The following LRRFIP1 variants were observed in gnomAD, a reference collection of about 807,000 sequenced individuals.
LRRFIP1 encodes LRR binding FLII interacting protein 1.
LRRFIP1 carries 62 observed loss-of-function variants against 104.4 expected under a neutral mutation model. The observed-to-expected ratio is 0.59, with a 90% confidence interval of 0.48 to 0.73. The LOEUF (loss-of-function observed/expected upper bound fraction) is 0.73. LRRFIP1 is among the 30% of genes least tolerant of loss of function. The pLI is 0.00. For missense variants in LRRFIP1, 796 were observed against 824.5 expected, an observed-to-expected ratio of 0.97 and a Z score of 0.42; for synonymous variants, 300 against 299.0, an observed-to-expected ratio of 1.00 and a Z score of -0.03.
intron 18 of LRRFIP1, among the ~76,000 whole-genome samples, chr2:237,759,307 G>A (rs1045571559): frequency 2.6e-5 from 4 of 152,130 alleles, no homozygotes; most frequent in Non-Finnish European, 5.9e-5. Context: ...GTCTTCAGCC[G>A]CTGCTTGACA....
Position 237,772,144 on chromosome 2 carries a change from T to C in LRRFIP1, c.1573T>C (p.Ser525Pro), listed in dbSNP as rs2060698343. 6.2e-7 allele frequency: 1 copy of C among 1,613,958 alleles called. No individual in the cohort carries two copies. The highest frequency in any genetic ancestry group is 8.5e-7 in the Non-Finnish European group (1 of 1,179,870). The change falls in exon 21 of 24, where the codon TCT (serine) becomes CCT (proline). Residue 525 changes from serine to proline, a missense_variant. By Grantham distance (74) the Ser-to-Pro change is moderately conservative (BLOSUM62 -1). Transcript: ENST00000308482. ...GATTGGCAAACTAGACAATCTTCGA[T>C]CTGAAGATGATGTCTTGGAAAACGG... Reference protein sequence around the residue: ...QKIGKLDNLRSEDDVLENGTD... With the variant: ...QKIGKLDNLRPEDDVLENGTD...
intron 1 of LRRFIP1, among the ~76,000 whole-genome samples, chr2:237,688,849 T>G (rs544899677): frequency 5.3e-5 from 8 of 151,890 alleles, no homozygotes; most frequent in Non-Finnish European, 1.0e-4. Context: ...CTTCGAGGTG[T>G]ATGATTTAAC....
At chr2:237,666,915 G>GCTTT (rs144037636) in intron 1 of LRRFIP1, among the ~76,000 whole-genome samples, 1,654 of 144,904 alleles carry the variant, frequency 0.011, 30 homozygotes, top group African/African-American at 0.034. Flanking sequence ...CTGCCTTCCT[G>GCTTT]CTTTCTTTCT....
intron 13 of LRRFIP1, among the ~76,000 whole-genome samples, 197 bp downstream of exon 13, chr2:237,749,521 T>C (rs2058314086): frequency 6.6e-6 from 1 of 152,188 alleles, no homozygotes. Flanking sequence ...AATCTGATCC[T>C]ACCCACTGAC....
intron 10 of LRRFIP1, among the ~76,000 whole-genome samples, chr2:237,738,331 C>T (rs550649210): frequency 1.1e-4 from 16 of 152,158 alleles, no homozygotes; most frequent in Admixed American, 3.3e-4. Context: ...CAGGGCACTT[C>T]GGCAGGTCCC....
At chr2:237,647,835 G>A (rs77197335) in intron 1 of LRRFIP1, among the ~76,000 whole-genome samples, 5,166 of 151,946 alleles carry the variant, frequency 0.034, 188 homozygotes, top group Non-Finnish European at 0.053. Flanking sequence ...CCCTGTGGCC[G>A]GCCACTCACT....
intron 8 of LRRFIP1, 133 bp from the exon 9 acceptor site, chr2:237,733,641 G>A (rs535291724): frequency 4.0e-5 from 31 of 765,854 alleles, no homozygotes; most frequent in African/African-American, 1.4e-4. Context: ...TGCCTCGATC[G>A]GTTTGTTTCT....
chr2:237,752,267 G>T (rs534245862), intron 14 of LRRFIP1, among the ~76,000 whole-genome samples: 1 of 152,198 alleles, frequency 6.6e-6, no homozygotes, highest in Non-Finnish European at 1.5e-5. Context: ...TTAGCCAGGT[G>T]TGGTGGTGCG....
chr2:237,692,150 G>GGGGGC lies in LRRFIP1; in HGVS notation c.97-16385_97-16381dup, dbSNP rs1483751551. 7.9e-5 allele frequency: 79 copies of GGGGGC among 998,042 alleles called. No homozygotes were observed. The South Asian group carries it at 1.2e-3, about 15-fold the overall frequency. 61.8% of individuals were successfully genotyped at this position (998,042 alleles called of 1,614,324 possible). A position where few individuals can be genotyped will look rare whatever the true frequency, so the allele number is the denominator to read the frequency against. Reference sequence around the variant, plus strand: ...GGCCCCTCCGAGGCGGAACTGCGTGGGGGGCGGGGCGGGCCGTGGGACGGG... The same window carrying GGGGGC: ...GGCCCCTCCGAGGCGGAACTGCGTGGGGGGCGGGGCGGGGCGGGCCGTGGGACGGG... On this transcript the variant is annotated intron_variant, in intron 1 of 23. Coordinates refer to ENST00000308482, the MANE Select transcript of LRRFIP1 (RefSeq NM_001137550.2).
At chr2:237,752,144 C>T (rs762492652) in intron 14 of LRRFIP1, among the ~76,000 whole-genome samples, 2 of 152,192 alleles carry the variant, frequency 1.3e-5, no homozygotes, top group African/African-American at 2.4e-5. Flanking sequence ...TGGTGGCTCA[C>T]GCCTGTAATT....
rs375171049 is a variant in LRRFIP1, at chr2:237,763,443, A to G, written c.1459+3238A>G. 4 of 1,613,500 alleles carry G rather than the reference A, an allele frequency of 2.5e-6. No individual in the cohort carries two copies. The African/African-American group carries it at 5.3e-5, about 22-fold the overall frequency. ...ACAAAGAACAAGAAAAAGAAAAACA[A>G]GAAGAAAAAATCCCCAGTACCCGTA... On this transcript the variant is annotated intron_variant, in intron 19 of 23. Coordinates refer to ENST00000308482, the MANE Select transcript of LRRFIP1 (RefSeq NM_001137550.2).
intron 1 of LRRFIP1, among the ~76,000 whole-genome samples, chr2:237,653,407 T>A (rs766975400): frequency 1.4e-4 from 22 of 152,142 alleles, no homozygotes; most frequent in Non-Finnish European, 2.8e-4. Flanking sequence ...ACTGGAAGAA[T>A]TAATATTGTT....
chr2:237,647,494 G>T (rs2085116696), intron 1 of LRRFIP1, among the ~76,000 whole-genome samples: 1 of 152,080 alleles, frequency 6.6e-6, no homozygotes, highest in African/African-American at 2.4e-5. Context: ...AGAGTAGAGG[G>T]TGTCCCTTCC....
rs192525316 is a variant in LRRFIP1 at position 237,751,422 on chromosome 2, G to T, written c.867+151G>T. 3.9e-5 allele frequency among the ~76,000 whole-genome samples: 6 copies of T among 152,314 alleles called. No individual in the cohort carries two copies. The East Asian group carries it at 1.2e-3, about 29-fold the overall frequency. ...CTCACAATGGCAGGAGTGCCGGCAT[G>T]GGTGTACACTCACCATTTTCCCAAA... is the stretch of plus-strand genomic sequence containing the variant. On this transcript the variant is annotated intron_variant, in intron 14 of 23. Coordinates refer to ENST00000308482, the MANE Select transcript of LRRFIP1 (RefSeq NM_001137550.2).
intron 15 of LRRFIP1, among the ~76,000 whole-genome samples, chr2:237,754,281 A>G (rs1017040041): frequency 6.6e-6 from 1 of 152,236 alleles, no homozygotes; most frequent in African/African-American, 2.4e-5. Flanking sequence ...ACTCTACTTA[A>G]GAATTAAATA....
Position 237,735,788 on chromosome 2 carries a change from A to T in LRRFIP1, c.555+455A>T, listed in dbSNP as rs1318730036. ...CTACCTCTTTCTTCAATTTGAAATG[A>T]TAGGCTCAGCTATGAGGGTAAAGAT... On this transcript the variant is annotated intron_variant, in intron 10 of 23. Coordinates refer to ENST00000308482, the MANE Select transcript of LRRFIP1 (RefSeq NM_001137550.2). This position sits in a 1 kb window ranked among gnomAD's most constrained non-coding sequence, Gnocchi z 4.6. 1 of 157,436 alleles carries T rather than the reference A, an allele frequency of 6.4e-6. No individual in the cohort carries two copies. Among genetic ancestry groups the T allele is most frequent in the African/African-American group, 2.4e-5 (1 of 41,558 alleles). 9.8% of individuals were successfully genotyped at this position (157,436 alleles called of 1,614,324 possible). A position where few individuals can be genotyped will look rare whatever the true frequency, so the allele number is the denominator to read the frequency against.
In LRRFIP1 at chr2:237,711,906, G is replaced by A. The variant is rs1209783275; in HGVS notation, c.184-2353G>A. Among the ~76,000 whole-genome samples the A allele has an allele frequency of 1.3e-5, 2 of 152,238 alleles. No individual in the cohort carries two copies. The highest frequency in any genetic ancestry group is 2.4e-5 in the African/African-American group (1 of 41,470). On this transcript the variant is annotated intron_variant, in intron 2 of 23. Transcript: ENST00000308482. The surrounding 1 kb of genome is among the most constrained non-coding windows in gnomAD (Gnocchi z 4.4). The stretch of plus-strand genomic sequence containing the variant: ...CAGCCCAGTCAGCCCAGCGCAGCAC[G>A]CGTTCCTAACGGCGGCAACGGTGCC...
intron 18 of LRRFIP1, 85 bp downstream of exon 18, chr2:237,758,906 G>T: frequency 1.2e-6 from 1 of 825,286 alleles, no homozygotes; most frequent in East Asian, 2.5e-5. Flanking sequence ...CTGTGAATAT[G>T]TGTGTACATA....
intron 23 of LRRFIP1, 114 bp from the exon 24 acceptor site, chr2:237,779,308 G>T: frequency 6.9e-7 from 1 of 1,439,792 alleles, no homozygotes. Context: ...GAGGGACCAG[G>T]GGCCAAGTTA....
Sources: gnomAD v4.1 joint callset for allele counts (sites outside exome capture counted in the v4.1 genomes callset) on GRCh38, gnomAD v4.1.1 for gene constraint, Gnocchi (gnomAD v3.1) non-coding constraint, MANE v1.5 for transcripts, NCBI Gene and HGNC (gene_info 2026-07-23, HGNC 2026-07-21) for gene names.